The following CLGN variants were observed in gnomAD, a reference collection of about 807,000 sequenced individuals.
The protein encoded by CLGN is testis tissue sperm-binding protein Li 79P.
CLGN carries 62 observed loss-of-function variants against 79.1 expected under a neutral mutation model. That is an observed-to-expected ratio of 0.78 (90% confidence interval 0.64 to 0.97). The LOEUF (loss-of-function observed/expected upper bound fraction) is 0.97, where lower values mean the gene tolerates loss of function less well. Among genes scored for constraint, CLGN ranks in the 50% least tolerant of loss-of-function variants. CLGN has a pLI of 0.00. For missense variants in CLGN, 647 were observed against 715.5 expected, an observed-to-expected ratio of 0.90 and a Z score of 1.09; for synonymous variants, 225 against 224.7, an observed-to-expected ratio of 1.00 and a Z score of -0.01.
chr4:140,400,334 A>G (rs776508340), intron 7 of CLGN, 23 bp downstream of exon 7: 1 of 1,521,832 alleles, frequency 6.6e-7, no homozygotes, highest in Non-Finnish European at 9.0e-7. Context: ...TTTTGAATAC[A>G]TGAATGAATT....
rs891664609 is a variant in CLGN at position 140,389,045 on chromosome 4, T to A, written c.*179A>T. The stretch of plus-strand genomic sequence containing the variant: ...TTTTATTCTAAATTCAAAGATGAGG[T>A]AACTTCAAAGTTGCTTCTTTTTCCT... On this transcript the variant is annotated 3_prime_UTR_variant, in exon 15 of 15. Coordinates refer to ENST00000325617, the MANE Select transcript of CLGN (RefSeq NM_004362.3). 6 of 567,204 alleles carry A rather than the reference T, an allele frequency of 1.1e-5. No individual in the cohort carries two copies. The highest frequency in any genetic ancestry group is 1.6e-5 in the Non-Finnish European group (5 of 318,822). 35.1% of individuals were successfully genotyped at this position (567,204 alleles called of 1,614,324 possible). A position where few individuals can be genotyped will look rare whatever the true frequency, so the allele number is the denominator to read the frequency against.
At chr4:140,412,851 G>T in intron 2 of CLGN, 84 bp downstream of exon 2, 3 of 1,164,950 alleles carry the variant, frequency 2.6e-6, no homozygotes, top group South Asian at 1.7e-5. Flanking sequence ...AAGATTATTT[G>T]AACTGAAATG....
intron 1 of CLGN, among the ~76,000 whole-genome samples, chr4:140,422,034 G>C (rs1480599923): frequency 2.6e-5 from 4 of 152,082 alleles, no homozygotes; most frequent in Admixed American, 2.6e-4. Flanking sequence ...CTCATGAGAA[G>C]ACTGTCCTTT....
chr4:140,389,964 A>G (rs1728742088), intron 14 of CLGN, among the ~76,000 whole-genome samples: 2 of 151,808 alleles, frequency 1.3e-5, no homozygotes, highest in South Asian at 4.1e-4. Flanking sequence ...AAGGCTACCC[A>G]GCTCTTTAAG....
intron 1 of CLGN, among the ~76,000 whole-genome samples, chr4:140,414,937 G>C (rs1308726787): frequency 6.6e-6 from 1 of 150,476 alleles, no homozygotes; most frequent in Non-Finnish European, 1.5e-5. Flanking sequence ...AAAATGTTAA[G>C]GGCAGCCAGA....
intron 1 of CLGN, among the ~76,000 whole-genome samples, chr4:140,421,379 T>G (rs115204510): frequency 0.013 from 2,033 of 152,272 alleles, 48 homozygotes; most frequent in African/African-American, 0.047. Flanking sequence ...CATACTGTTT[T>G]CCACAGTGGC....
intron 4 of CLGN, among the ~76,000 whole-genome samples, 175 bp downstream of exon 4, chr4:140,409,662 A>G (rs1729175210): frequency 6.6e-6 from 1 of 152,038 alleles, no homozygotes; most frequent in Non-Finnish European, 1.5e-5. Flanking sequence ...AGATTTTCAG[A>G]AATAGCGAAG....
intron 1 of CLGN, among the ~76,000 whole-genome samples, chr4:140,425,731 C>A (rs973281937): frequency 2.0e-5 from 3 of 147,258 alleles, no homozygotes; most frequent in African/African-American, 7.6e-5. Context: ...TTGGTTCAAG[C>A]GATTCTCCTG....
At chr4:140,418,585 A>G (rs1419340367) in intron 1 of CLGN, among the ~76,000 whole-genome samples, 1 of 150,620 alleles carries the variant, frequency 6.6e-6, no homozygotes, top group East Asian at 1.9e-4. Flanking sequence ...TTATGCAGCC[A>G]AAAAACACAT....
chr4:140,414,430 G>A (rs1729282097), intron 1 of CLGN, among the ~76,000 whole-genome samples: 1 of 151,488 alleles, frequency 6.6e-6, no homozygotes, highest in Admixed American at 6.6e-5. Context: ...CAAACCAAAG[G>A]CAAAAAAGTT....
chr4:140,426,502 G>A (rs1217539932), intron 1 of CLGN, among the ~76,000 whole-genome samples: 2 of 152,218 alleles, frequency 1.3e-5, no homozygotes, highest in Admixed American at 6.5e-5. Context: ...CCAATAAGAC[G>A]TGAAGGCAAA....
intron 10 of CLGN, among the ~76,000 whole-genome samples, chr4:140,394,725 T>C (rs1282587179): frequency 6.6e-6 from 1 of 152,198 alleles, no homozygotes; most frequent in Non-Finnish European, 1.5e-5. Context: ...TAAATGCTTT[T>C]AATAAAAACT....
chr4:140,412,808 A>T (rs1729238014), intron 2 of CLGN, 127 bp downstream of exon 2: 7 of 887,418 alleles, frequency 7.9e-6, no homozygotes, highest in Non-Finnish European at 1.2e-5. Flanking sequence ...ACTTAGAAAA[A>T]AAATCAATGT....
chr4:140,399,643 C>T (rs925010846), intron 7 of CLGN, among the ~76,000 whole-genome samples: 18 of 152,210 alleles, frequency 1.2e-4, no homozygotes, highest in African/African-American at 3.1e-4. Flanking sequence ...GGAGTTGAGA[C>T]GTGAGAAAGG....
rs967921417 is a variant in CLGN at position 140,399,679 on chromosome 4, T to C, written c.695-639A>G. Among the ~76,000 whole-genome samples the C allele has an allele frequency of 8.5e-5, 13 of 152,314 alleles. No individual in the cohort carries two copies. In the East Asian group the frequency reaches 2.3e-3, roughly 27 times the overall value. ...AAGCCAATAGGGCCATTTCAAAATG[T>C]CCTATTAGGTTCCAATATGCTCTGA... On this transcript the variant is annotated intron_variant, in intron 7 of 14. Coordinates refer to ENST00000325617, the MANE Select transcript of CLGN (RefSeq NM_004362.3).
chr4:140,408,916 T>C (rs1212867865), intron 4 of CLGN, among the ~76,000 whole-genome samples: 14 of 150,180 alleles, frequency 9.3e-5, no homozygotes, highest in Non-Finnish European at 1.5e-4. Context: ...CACACATATA[T>C]GTGTATATGT....
At chr4:140,398,263 CTTTTTTTT>C (rs1162212217) in intron 8 of CLGN, among the ~76,000 whole-genome samples, 2 of 86,798 alleles carry the variant, frequency 2.3e-5, no homozygotes, top group Non-Finnish European at 4.3e-5. Flanking sequence ...CAAACATACT[CTTTTTTTT>C]TTTTTTTTTT....
Position 140,419,286 on chromosome 4 carries a change from T to C in CLGN, c.-9-6199A>G, listed in dbSNP as rs557802655. On this transcript the variant is annotated intron_variant, in intron 1 of 14. Coordinates refer to ENST00000325617, the MANE Select transcript of CLGN (RefSeq NM_004362.3). ...AGTTAGTGGGTGCAGTGCACCAGTA[T>C]GGCACATGTATACATATGTAACTAA... 1.6e-3 allele frequency among the ~76,000 whole-genome samples: 237 copies of C among 152,202 alleles called. 3 individuals are homozygous for C. Among genetic ancestry groups the C allele is most frequent in the African/African-American group, 5.5e-3 (228 of 41,526 alleles).
rs551911528 is a variant in CLGN at position 140,416,563 on chromosome 4, T to C, written c.-9-3476A>G. Among the ~76,000 whole-genome samples the C allele has an allele frequency of 1.1e-4, 16 of 151,860 alleles. No homozygotes were observed. In the South Asian group the frequency reaches 2.9e-3, roughly 28 times the overall value. On this transcript the variant is annotated intron_variant, in intron 1 of 14. Transcript: ENST00000325617. ...AATACAAACTACCATCAGAGAATAC[T>C]ACAAACACCTCTACACAAATAAACT...
Sources: gnomAD v4.1 joint callset for allele counts (sites outside exome capture counted in the v4.1 genomes callset) on GRCh38, gnomAD v4.1.1 for gene constraint, MANE v1.5 for transcripts, NCBI Gene and HGNC (gene_info 2026-07-23, HGNC 2026-07-21) for gene names.